The following PHLDB2 variants were observed in gnomAD, a reference collection of about 807,000 sequenced individuals.
The protein encoded by PHLDB2 is pleckstrin homology like domain family B member 2, also known as pleckstrin homology-like domain family B member 2.
In PHLDB2, 71 loss-of-function variants were observed where a neutral mutation model predicts 123.6. The observed-to-expected ratio is 0.57, with a 90% confidence interval of 0.47 to 0.70. PHLDB2 has a LOEUF of 0.70. Among genes scored for constraint, PHLDB2 ranks in the 30% least tolerant of loss-of-function variants. PHLDB2 has a pLI of 0.00. For synonymous variants in PHLDB2, 547 were observed against 541.6 expected, an observed-to-expected ratio of 1.01 and a Z score of -0.14; for missense variants, 1,446 against 1,519.5, an observed-to-expected ratio of 0.95 and a Z score of 0.80.
Position 111,974,760 on chromosome 3 carries a change from C to A in PHLDB2, c.*197C>A. On this transcript the variant is annotated 3_prime_UTR_variant, in exon 18 of 18. Transcript: ENST00000431670. ...TAATACAAACCTTCATAATAAATAG[C>A]AAAATAATTGAAGCTTCCATGAGAA... 1 of 424,248 alleles carries A rather than the reference C, an allele frequency of 2.4e-6. No individual in the cohort carries two copies. The highest frequency in any genetic ancestry group is 2.0e-5 in the African/African-American group (1 of 49,074). 26.3% of individuals were successfully genotyped at this position (424,248 alleles called of 1,614,324 possible). A position where few individuals can be genotyped will look rare whatever the true frequency, so the allele number is the denominator to read the frequency against.
At chr3:111,806,859 T>C (rs2061611603) in intron 1 of PHLDB2, among the ~76,000 whole-genome samples, 1 of 151,742 alleles carries the variant, frequency 6.6e-6, no homozygotes, top group Non-Finnish European at 1.5e-5. Flanking sequence ...CTTGAACTTC[T>C]TCCTAGGCTC....
At chr3:111,924,309 A>G (rs1453890045) in intron 5 of PHLDB2, among the ~76,000 whole-genome samples, 3 of 152,070 alleles carry the variant, frequency 2.0e-5, no homozygotes, top group Non-Finnish European at 2.9e-5. Context: ...TTTATATCCC[A>G]CTCTAGCCTG....
exon 1 of PHLDB2, chr3:111,732,610 T>G: frequency 6.5e-7 from 1 of 1,532,756 alleles, no homozygotes; most frequent in Non-Finnish European, 8.7e-7. Context: ...AACATCCCAC[T>G]CTCTTCAGCA....
chr3:111,752,616 C>CA (rs1162354531), intron 1 of PHLDB2, among the ~76,000 whole-genome samples: 2 of 151,062 alleles, frequency 1.3e-5, no homozygotes, highest in Admixed American at 1.3e-4. Flanking sequence ...TATTTTCTAA[C>CA]AAAAAAATTT....
intron 1 of PHLDB2, among the ~76,000 whole-genome samples, chr3:111,771,497 G>T (rs942871566): frequency 6.6e-6 from 1 of 151,920 alleles, no homozygotes; most frequent in South Asian, 2.1e-4. Context: ...GTGCCACCAC[G>T]CCCAGCTAAT....
At chr3:111,780,348 A>G (rs189521601) in intron 1 of PHLDB2, among the ~76,000 whole-genome samples, 1,783 of 17,114 alleles carry the variant, frequency 0.1, 173 homozygotes, top group Non-Finnish European at 0.27. Flanking sequence ...AAGAAGAAGA[A>G]GAAGAAGAAG....
upstream of PHLDB2, among the ~76,000 whole-genome samples, chr3:111,857,877 A>G (rs192077096): frequency 2.7e-4 from 41 of 152,360 alleles, no homozygotes; most frequent in African/African-American, 8.7e-4. Context: ...TAGTTCAACC[A>G]TTGTGGAAGA....
At chr3:111,932,224 G>A (rs1049464331) in intron 5 of PHLDB2, 45 bp from the exon 6 acceptor site, 112 of 1,542,450 alleles carry the variant, frequency 7.3e-5, no homozygotes, top group Admixed American at 5.4e-4. Flanking sequence ...CTGCTTGGGG[G>A]TGTGAAGGTA....
intron 1 of PHLDB2, among the ~76,000 whole-genome samples, chr3:111,843,723 A>T (rs1444456928): frequency 6.6e-6 from 1 of 152,118 alleles, no homozygotes; most frequent in African/African-American, 2.4e-5. Flanking sequence ...TTTTACAAAT[A>T]CTCTAGCTAC....
intron 1 of PHLDB2, among the ~76,000 whole-genome samples, chr3:111,794,946 T>C (rs2061091346): frequency 6.6e-6 from 1 of 152,206 alleles, no homozygotes; most frequent in South Asian, 2.1e-4. Context: ...GTGAAGAGGA[T>C]CACATGCTCT....
At chr3:111,779,052 CTCAGGTTTCTGGGCCCT>C (rs1001510945) in intron 1 of PHLDB2, among the ~76,000 whole-genome samples, 10 of 151,962 alleles carry the variant, frequency 6.6e-5, no homozygotes, top group African/African-American at 2.2e-4. Flanking sequence ...GTATGTAAAA[CTCAGGTTTCTGGGCCCT>C]ACCTTCGGAG....
intron 1 of PHLDB2, among the ~76,000 whole-genome samples, chr3:111,757,357 C>T (rs1032768166): frequency 6.6e-6 from 1 of 152,106 alleles, no homozygotes; most frequent in African/African-American, 2.4e-5. Flanking sequence ...TCTTTTTATT[C>T]TTTTTTCTCT....
intron 1 of PHLDB2, among the ~76,000 whole-genome samples, chr3:111,866,838 G>A (rs751094774): frequency 1.3e-5 from 2 of 151,916 alleles, no homozygotes; most frequent in Non-Finnish European, 2.9e-5. Flanking sequence ...CTAGCTTTAC[G>A]GGGGACTTGA....
At chr3:111,911,253 AT>A (rs1355553835) in intron 2 of PHLDB2, among the ~76,000 whole-genome samples, 1 of 152,232 alleles carries the variant, frequency 6.6e-6, no homozygotes, top group Non-Finnish European at 1.5e-5. Context: ...CCAAATATTT[AT>A]GCCAAGGCTA....
intron 5 of PHLDB2, among the ~76,000 whole-genome samples, chr3:111,930,478 T>C (rs1428749356): frequency 6.6e-6 from 1 of 152,198 alleles, no homozygotes; most frequent in Non-Finnish European, 1.5e-5. Flanking sequence ...GGTGATGCAG[T>C]ACCTAGAAAT....
intron 1 of PHLDB2, among the ~76,000 whole-genome samples, chr3:111,876,872 C>T (rs190744492): frequency 2.1e-3 from 314 of 152,324 alleles, no homozygotes; most frequent in African/African-American, 7.2e-3. Flanking sequence ...TTTCCAGCAT[C>T]ATCCATGTCC....
At chr3:111,966,725 C>T (rs774857) in intron 14 of PHLDB2, 22 bp downstream of exon 14, 235,788 of 1,600,506 alleles carry the variant, frequency 0.15, 19,255 homozygotes, top group African/African-American at 0.3. Flanking sequence ...ATTTTCATGC[C>T]GGAGGTCTGT....
chr3:111,816,100 AT>A (rs2062063706), intron 1 of PHLDB2, among the ~76,000 whole-genome samples: 1 of 152,200 alleles, frequency 6.6e-6, no homozygotes, highest in Non-Finnish European at 1.5e-5. Context: ...ATTTCAGAAG[AT>A]GTATGAAAAC....
intron 1 of PHLDB2, among the ~76,000 whole-genome samples, chr3:111,804,114 A>T (rs1186360512): frequency 6.6e-6 from 1 of 152,206 alleles, no homozygotes; most frequent in South Asian, 2.1e-4. Context: ...AATGCCACAG[A>T]GACACCATTA....
Sources: gnomAD v4.1 joint callset for allele counts (sites outside exome capture counted in the v4.1 genomes callset) on GRCh38, gnomAD v4.1.1 for gene constraint, MANE v1.5 for transcripts, NCBI Gene and HGNC (gene_info 2026-07-23, HGNC 2026-07-21) for gene names.